Variants in KLF6 observed in about 807,000 individuals in gnomAD.
KLF6 encodes KLF transcription factor 6.
For missense variants in KLF6, 233 were observed against 359.8 expected (o/e 0.65, Z 2.85); for synonymous variants, 152 against 147.9 (o/e 1.03, Z -0.20).
In KLF6 at chr10:3,782,010, T is replaced by A; in HGVS notation, c.307A>T (p.Ser103Cys). ...PSFCYNLETN[S>C]LNSDVSSESS... is the part of the protein sequence containing the mutation. ...TCGCTGCTGACATCTGAGTTCAGGCTGTTGGTCTCTAAGTTGTAACAAAAG... is the reference window on the plus strand; with the variant it reads ...TCGCTGCTGACATCTGAGTTCAGGCAGTTGGTCTCTAAGTTGTAACAAAAG... Residue 103 changes from serine (S) to cysteine (C), a missense_variant, in exon 2 of 4, where the codon AGC becomes TGC. By Grantham distance (112) the Ser-to-Cys change is moderately radical (BLOSUM62 -1). Coordinates refer to ENST00000497571, the MANE Select transcript of KLF6 (RefSeq NM_001300.6). The surrounding 1 kb of genome is among the most constrained non-coding windows in gnomAD (Gnocchi z 4.3). 1 of 1,614,212 alleles carries A rather than the reference T, an allele frequency of 6.2e-7. No individual in the cohort carries two copies. The highest frequency in any genetic ancestry group is 1.3e-5 in the African/African-American group (1 of 75,056).
At chr10:3,779,848 T>C (rs887242957) in intron 3 of KLF6, among the ~76,000 whole-genome samples, 1 of 152,228 alleles carries the variant, frequency 6.6e-6, no homozygotes, top group Non-Finnish European at 1.5e-5. Flanking sequence ...TCTTCAAATA[T>C]GAAAACTGTT....
rs200912661 is a variant in KLF6, at chr10:3,784,877, C to T, written c.102+36G>A. 3.6e-4 allele frequency: 572 copies of T among 1,577,542 alleles called. 7 individuals carry two copies. The East Asian group carries it at 8.3e-3, about 23-fold the overall frequency. ...CAAACAGCCGACCCGGCCCGCGCCC[C>T]GGCGCCCGCAGGGAACCGCGGCCGG... On this transcript the variant is annotated intron_variant, in intron 1 of 3. Coordinates refer to ENST00000497571, the MANE Select transcript of KLF6 (RefSeq NM_001300.6).
chr10:3,782,263 AG>A lies in KLF6; in HGVS notation c.103-50del. On this transcript the variant is annotated intron_variant, in intron 1 of 3. Coordinates refer to ENST00000497571, the MANE Select transcript of KLF6 (RefSeq NM_001300.6). This position sits in a 1 kb window ranked among gnomAD's most constrained non-coding sequence, Gnocchi z 4.3. Reference sequence around the variant, plus strand: ...GCACGTGATTGCCATGACGACCAAAAGTAAAAGCAAAAGCAATTTCCAAAAA... The same window carrying A: ...GCACGTGATTGCCATGACGACCAAAATAAAAGCAAAAGCAATTTCCAAAAA... The A allele has an allele frequency of 6.6e-7, 1 of 1,516,862 alleles. No individual in the cohort carries two copies. The highest frequency in any genetic ancestry group is 1.4e-5 in the African/African-American group (1 of 73,436). 94.0% of individuals were successfully genotyped at this position (1,516,862 alleles called of 1,614,324 possible).
At position 3,781,364 on chromosome 10, in the gene KLF6, G is replaced by C. The variant is rs1832515192; in HGVS notation, c.676+277C>G. On this transcript the variant is annotated intron_variant, in intron 2 of 3. Coordinates refer to ENST00000497571, the MANE Select transcript of KLF6 (RefSeq NM_001300.6). This position sits in a 1 kb window ranked among gnomAD's most constrained non-coding sequence, Gnocchi z 5.8. ...GGATCCCCAGCACTACTAAGGGGTGGGGGGTGGAGGTTTGGGTGTCCGTGG... is the reference window on the plus strand; with the variant it reads ...GGATCCCCAGCACTACTAAGGGGTGCGGGGTGGAGGTTTGGGTGTCCGTGG... The C allele has an allele frequency of 9.9e-6, 14 of 1,413,600 alleles. No homozygotes were observed. Among genetic ancestry groups the C allele is most frequent in the Non-Finnish European group, 1.1e-5 (12 of 1,068,930 alleles). The allele number at this position is 1,413,600 out of a possible 1,614,324, so 87.6% of individuals were successfully genotyped here.
Position 3,777,230 on chromosome 10 carries a change from A to G in KLF6, c.*2309T>C. On this transcript the variant is annotated 3_prime_UTR_variant, in exon 4 of 4. Coordinates refer to ENST00000497571, the MANE Select transcript of KLF6 (RefSeq NM_001300.6). ...GACTCACATGTGTGTATATATATAT[A>G]AAGCAAAGAGCCACACCCACAAGCC... The G allele has an allele frequency of 1.9e-6, 1 of 516,918 alleles. No individual in the cohort carries two copies. The highest frequency in any genetic ancestry group is 3.8e-6 in the Non-Finnish European group (1 of 265,884). 32.0% of individuals were successfully genotyped at this position (516,918 alleles called of 1,614,324 possible). A position where few individuals can be genotyped will look rare whatever the true frequency, so the allele number is the denominator to read the frequency against.
In KLF6 at chr10:3,779,500, G is replaced by C; in HGVS notation, c.*39C>G. 3 of 1,567,536 alleles carry C rather than the reference G, an allele frequency of 1.9e-6. No homozygotes were observed. In the South Asian group the frequency reaches 3.3e-5, roughly 17 times the overall value. On this transcript the variant is annotated 3_prime_UTR_variant, in exon 4 of 4. Transcript: ENST00000497571. ...TCCTTCCACGGCCGGCTCTCAGCCT[G>C]GAAGCCTTTTAGCCTACAGGATCCA...
In KLF6 at chr10:3,776,283, G is replaced by A. The variant is rs1833834205; in HGVS notation, c.*3256C>T. The A allele has an allele frequency of 1.9e-6, 1 of 532,968 alleles. No homozygotes were observed. Among genetic ancestry groups the A allele is most frequent in the South Asian group, 1.5e-5 (1 of 65,174 alleles). The allele number at this position is 532,968 out of a possible 1,614,324, so 33.0% of individuals were successfully genotyped here. A position where few individuals can be genotyped will look rare whatever the true frequency, so the allele number is the denominator to read the frequency against. On this transcript the variant is annotated 3_prime_UTR_variant, in exon 4 of 4. Coordinates refer to ENST00000497571, the MANE Select transcript of KLF6 (RefSeq NM_001300.6). The stretch of plus-strand genomic sequence containing the variant: ...GAGCAATGGAAGATCAAACCGGCAT[G>A]GTTCCCTACTGTGCCCACAGCCGGG...
chr10:3,780,350 C>G lies in KLF6; in HGVS notation c.677-121G>C, dbSNP rs1009109661. ...CCAGGGACCCAGTGGCTTCTGGCAT[C>G]GGTAACACACAACAACTGGCAGCCT... On this transcript the variant is annotated intron_variant, in intron 2 of 3. Transcript: ENST00000497571. The surrounding 1 kb of genome is among the most constrained non-coding windows in gnomAD (Gnocchi z 4.6). 3 of 1,186,204 alleles carry G rather than the reference C, an allele frequency of 2.5e-6. No individual in the cohort carries two copies. The highest frequency in any genetic ancestry group is 3.0e-5 in the African/African-American group (2 of 66,864). 73.5% of individuals were successfully genotyped at this position (1,186,204 alleles called of 1,614,324 possible).
Position 3,776,909 on chromosome 10 carries a change from G to A in KLF6, c.*2630C>T, listed in dbSNP as rs1367391412. The A allele has an allele frequency of 1.9e-6, 1 of 515,366 alleles. No homozygotes were observed. Among genetic ancestry groups the A allele is most frequent in the Non-Finnish European group, 3.7e-6 (1 of 268,192 alleles). The allele number at this position is 515,366 out of a possible 1,614,324, so 31.9% of individuals were successfully genotyped here. On this transcript the variant is annotated 3_prime_UTR_variant, in exon 4 of 4. Transcript: ENST00000497571. ...CCGACATGTTTCGTAAGTGAGACAA[G>A]CCAGTGCAAGTTTTTTTTTTTCCTT...
intron 1 of KLF6, among the ~76,000 whole-genome samples, chr10:3,784,001 A>G (rs1832591187): frequency 6.6e-6 from 1 of 152,210 alleles, no homozygotes; most frequent in Admixed American, 6.5e-5. Flanking sequence ...AACACCCTGC[A>G]TTTCATCTTC....
intron 3 of KLF6, 55 bp from the exon 4 acceptor site, chr10:3,779,645 G>A: frequency 1.9e-6 from 3 of 1,546,506 alleles, no homozygotes; most frequent in East Asian, 2.2e-5. Flanking sequence ...CCTTGCCAGT[G>A]TTCTGGACCA....
Position 3,780,415 on chromosome 10 carries a change from G to C in KLF6, c.677-186C>G. 1.5e-6 allele frequency: 1 copy of C among 686,706 alleles called. No homozygotes were observed. Among genetic ancestry groups the C allele is most frequent in the East Asian group, 2.7e-5 (1 of 36,882 alleles). The allele number at this position is 686,706 out of a possible 1,614,324, so 42.5% of individuals were successfully genotyped here. A position where few individuals can be genotyped will look rare whatever the true frequency, so the allele number is the denominator to read the frequency against. On this transcript the variant is annotated intron_variant, in intron 2 of 3. Coordinates refer to ENST00000497571, the MANE Select transcript of KLF6 (RefSeq NM_001300.6). The surrounding 1 kb of genome is among the most constrained non-coding windows in gnomAD (Gnocchi z 4.6). ...CAGCTCTCTCCTGACCCAGTCTCAG[G>C]CCTCCCACTGCTGTCCAAGGGACAC...
At position 3,776,751 on chromosome 10, in the gene KLF6, TCAAG is replaced by T; in HGVS notation, c.*2784_*2787del. The T allele has an allele frequency of 2.0e-6, 1 of 488,926 alleles. No homozygotes were observed. Among genetic ancestry groups the T allele is most frequent in the Admixed American group, 2.6e-5 (1 of 38,532 alleles). 30.3% of individuals were successfully genotyped at this position (488,926 alleles called of 1,614,324 possible). ...CACTAATAGAAATTTTTTTTTAATT[TCAAG>T]CAAAAAGTTTCTGCTTGATTGAGGC... On this transcript the variant is annotated 3_prime_UTR_variant, in exon 4 of 4. Transcript: ENST00000497571.
rs762360575 is a variant in KLF6, at chr10:3,779,432, G to C, written c.*107C>G. ...CAAGGAGAGGCCCTGGAGGCAACTG[G>C]GTAGGGTGCAGAACGGCATGCTTTG... On this transcript the variant is annotated 3_prime_UTR_variant, in exon 4 of 4. Coordinates refer to ENST00000497571, the MANE Select transcript of KLF6 (RefSeq NM_001300.6). 2.0e-6 allele frequency: 2 copies of C among 979,654 alleles called. No individual in the cohort carries two copies. Among genetic ancestry groups the C allele is most frequent in the African/African-American group, 1.6e-5 (1 of 62,748 alleles). 60.7% of individuals were successfully genotyped at this position (979,654 alleles called of 1,614,324 possible).
intron 3 of KLF6, 134 bp downstream of exon 3, chr10:3,779,972 G>T (rs1832484174): frequency 8.5e-7 from 1 of 1,181,850 alleles, no homozygotes; most frequent in Non-Finnish European, 1.2e-6. Flanking sequence ...AAAAGTCCCA[G>T]GCTTGAAAAG....
At position 3,778,665 on chromosome 10, in the gene KLF6, T is replaced by TGTA. The variant is rs1461080664; in HGVS notation, c.*873_*874insTAC. ...TTGCCAGGCCCGGATGGCTAGGGGG[T>TGTA]CACTGTATTAGACAGATTGGATCTT... is the stretch of plus-strand genomic sequence containing the variant. On this transcript the variant is annotated 3_prime_UTR_variant, in exon 4 of 4. Transcript: ENST00000497571. 1.9e-6 allele frequency: 1 copy of TGTA among 520,922 alleles called. No individual in the cohort carries two copies. Among genetic ancestry groups the TGTA allele is most frequent in the South Asian group, 1.6e-5 (1 of 64,328 alleles). 32.3% of individuals were successfully genotyped at this position (520,922 alleles called of 1,614,324 possible).
chr10:3,781,657 G>A lies in KLF6; in HGVS notation c.660C>T (p.His220=), dbSNP rs752309022. The change falls in exon 2 of 4, where the codon CAC becomes CAT. Residue 220 remains histidine (H), a synonymous_variant. Coordinates refer to ENST00000497571, the MANE Select transcript of KLF6 (RefSeq NM_001300.6). This position sits in a 1 kb window ranked among gnomAD's most constrained non-coding sequence, Gnocchi z 5.8. ...GGCACTGACCTGTGTGCGTCCGCTG[G>A]TGTGCTTTCAAGTGGGAGCTTTTGG... ...VYTKSSHLKA[H]QRTHTGEKPY... is the part of the protein sequence containing the mutation. 3.7e-6 allele frequency: 6 copies of A among 1,612,720 alleles called. No homozygotes were observed. In the East Asian group the frequency reaches 1.1e-4, roughly 30 times the overall value.
rs928776951 is a variant in KLF6 at position 3,777,512 on chromosome 10, C to T, written c.*2027G>A. ...TCTGTTCAGGCCACTTCTGAACGGCCGAAGGTGCCCCATTCCAGACCTGCC... is the reference window on the plus strand; with the variant it reads ...TCTGTTCAGGCCACTTCTGAACGGCTGAAGGTGCCCCATTCCAGACCTGCC... On this transcript the variant is annotated 3_prime_UTR_variant, in exon 4 of 4. Transcript: ENST00000497571. 1.8e-5 allele frequency: 9 copies of T among 512,546 alleles called. No individual in the cohort carries two copies. Among genetic ancestry groups the T allele is most frequent in the African/African-American group, 7.6e-5 (4 of 52,526 alleles). The allele number at this position is 512,546 out of a possible 1,614,324, so 31.7% of individuals were successfully genotyped here.
rs1353323537 is a variant in KLF6, at chr10:3,779,087, C to T, written c.*452G>A. ...TTTTCTAAGGTGCAGACACCCCCTC[C>T]CCCCAAGGAAATGATTGGTGGTCAT... On this transcript the variant is annotated 3_prime_UTR_variant, in exon 4 of 4. Transcript: ENST00000497571. The T allele has an allele frequency of 1.9e-6, 1 of 536,064 alleles. No homozygotes were observed. The highest frequency in any genetic ancestry group is 3.6e-6 in the Non-Finnish European group (1 of 277,338). The allele number at this position is 536,064 out of a possible 1,614,324, so 33.2% of individuals were successfully genotyped here.
Sources: allele counts gnomAD v4.1 joint callset (sites outside exome capture counted in the v4.1 genomes callset), GRCh38; gene constraint gnomAD v4.1.1; non-coding constraint Gnocchi (gnomAD v3.1); transcripts MANE v1.5; gene names NCBI Gene and HGNC (gene_info 2026-07-23, HGNC 2026-07-21).